The following MRPL41 variants were observed in gnomAD, a reference collection of about 807,000 sequenced individuals.
MRPL41 encodes the protein large ribosomal subunit protein mL41.
A neutral mutation model predicts 3.3 loss-of-function variants in MRPL41; 2 were observed. The observed-to-expected ratio is 0.60, with a 90% CI of 0.25 to 1.90. The LOEUF is 1.90. Among genes scored for constraint, MRPL41 ranks in the 40% most tolerant of loss-of-function variants. The pLI, the probability that MRPL41 is intolerant of heterozygous loss-of-function variation, is 0.16. For synonymous variants in MRPL41, 93 were observed against 85.7 expected, an observed-to-expected ratio of 1.08 and a Z score of -0.47; for missense variants, 161 against 192.2, an observed-to-expected ratio of 0.84 and a Z score of 0.96.
chr9:137,552,495 G>C lies in MRPL41; in HGVS notation c.414G>C (p.Ter138TyrextTer?). 1 of 1,545,044 alleles carries C rather than the reference G, an allele frequency of 6.5e-7. No homozygotes were observed. The highest frequency in any genetic ancestry group is 8.7e-7 in the Non-Finnish European group (1 of 1,143,494). Residue 138 changes from the stop codon to tyrosine, a stop_lost, in exon 2 of 2, where the codon TAG (stop) becomes TAC (tyrosine). Transcript: ENST00000371443. ...TCTACCCCAGGAACTTCCTGCGCTA[G>C]CTGGGCGGGGGAGGGGCGGCCTGCC... Reference protein sequence around the residue: ...FQLYPRNFLR* With the variant: ...FQLYPRNFLRY
Position 137,552,326 on chromosome 9 carries a change from A to G in MRPL41, c.245A>G (p.Glu82Gly), listed in dbSNP as rs773293531. The change falls in exon 2 of 2, where the codon GAG (glutamate) becomes GGG (glycine). Residue 82 changes from glutamate (E) to glycine (G), a missense_variant. Coordinates refer to ENST00000371443, the MANE Select transcript of MRPL41 (RefSeq NM_032477.3). ...PYVSYLAPES[E>G]ETPLTAAQLF... ...GTGAGCTACCTCGCCCCTGAGAGCG[A>G]GGAGACGCCCCTGACGGCCGCGCAG... 1.3e-5 allele frequency: 21 copies of G among 1,610,342 alleles called. No individual in the cohort carries two copies. The highest frequency in any genetic ancestry group is 1.7e-5 in the Non-Finnish European group (20 of 1,178,772).
chr9:137,552,047 G>T, intron 1 of MRPL41, 27 bp from the exon 2 acceptor site: 1 of 1,272,340 alleles, frequency 7.9e-7, no homozygotes, highest in Non-Finnish European at 9.9e-7. Context: ...TCCCGGGGCC[G>T]CGACTACCCG....
In MRPL41 at chr9:137,552,421, C is replaced by G. The variant is rs142341993; in HGVS notation, c.340C>G (p.Leu114Val). 45 of 1,607,326 alleles carry G rather than the reference C, an allele frequency of 2.8e-5. No homozygotes were observed. The African/African-American group carries it at 5.2e-4, about 19-fold the overall frequency. ...GGACGGTACCTTCGACCCTGACAAC[C>G]TGGAAAAGTACGGCTTCGAGCCCAC... ...FKDGTFDPDN[L>V]EKYGFEPTQE... The change falls in exon 2 of 2, where the codon CTG (leucine) becomes GTG (valine). Residue 114 changes from leucine to valine, a missense_variant. Physicochemically the swap from Leu to Val is conservative, Grantham distance 32. Transcript: ENST00000371443.
At position 137,551,996 on chromosome 9, in the gene MRPL41, G is replaced by C; in HGVS notation, c.-9+18G>C. 1 of 1,120,784 alleles carries C rather than the reference G, an allele frequency of 8.9e-7. No homozygotes were observed. The highest frequency in any genetic ancestry group is 1.1e-6 in the Non-Finnish European group (1 of 886,000). 69.4% of individuals were successfully genotyped at this position (1,120,784 alleles called of 1,614,324 possible). On this transcript the variant is annotated intron_variant, in intron 1 of 1. Coordinates refer to ENST00000371443, the MANE Select transcript of MRPL41 (RefSeq NM_032477.3). ...CGGTCCAGGTGAGTCTGTCGGATTG[G>C]GGCGGGCGCCGCGCGCGGCCAGGGG...
Position 137,552,073 on chromosome 9 carries a change from G to T in MRPL41, c.-8-1G>T. The T allele has an allele frequency of 7.5e-7, 1 of 1,340,074 alleles. No individual in the cohort carries two copies. The allele number at this position is 1,340,074 out of a possible 1,614,324, so 83.0% of individuals were successfully genotyped here. On this transcript the variant is annotated splice_acceptor_variant, in intron 1 of 1. Coordinates refer to ENST00000371443, the MANE Select transcript of MRPL41 (RefSeq NM_032477.3). LOFTEE classifies it low-confidence loss of function (5UTR_SPLICE). Reference sequence around the variant, plus strand: ...CGACTACCCGCTCTCTCCTCCCGCAGGGCGCGGCATGGGCGTCCTGGCCGC... The same window carrying T: ...CGACTACCCGCTCTCTCCTCCCGCATGGCGCGGCATGGGCGTCCTGGCCGC...
At position 137,552,411 on chromosome 9, in the gene MRPL41, C is replaced by A. The variant is rs1309090126; in HGVS notation, c.330C>A (p.Asp110Glu). 1.2e-6 allele frequency: 2 copies of A among 1,608,168 alleles called. No homozygotes were observed. The highest frequency in any genetic ancestry group is 2.7e-5 in the African/African-American group (2 of 74,632). ...IEKDFKDGTF[D>E]PDNLEKYGFE... ...AGGACTTCAAGGACGGTACCTTCGA[C>A]CCTGACAACCTGGAAAAGTACGGCT... is the stretch of plus-strand genomic sequence containing the variant. Residue 110 changes from aspartate to glutamate, a missense_variant, in exon 2 of 2, where the codon GAC becomes GAA. Transcript: ENST00000371443.
Position 137,551,893 on chromosome 9 carries a change from G to C in MRPL41, c.-94G>C, listed in dbSNP as rs1246923703. ...CAATCGGAGCCGCTCTTGCTGCGAC[G>C]CAGCGGTCGGAAGCGGAGCAAGGTC... On this transcript the variant is annotated 5_prime_UTR_variant, in exon 1 of 2. Transcript: ENST00000371443. 1.7e-5 allele frequency: 7 copies of C among 410,484 alleles called. No individual in the cohort carries two copies. The highest frequency in any genetic ancestry group is 1.2e-4 in the African/African-American group (6 of 48,266). The allele number at this position is 410,484 out of a possible 1,614,324, so 25.4% of individuals were successfully genotyped here.
chr9:137,552,279 C>A lies in MRPL41; in HGVS notation c.198C>A (p.Thr66=), dbSNP rs1344140047. The A allele has an allele frequency of 3.8e-6, 6 of 1,591,460 alleles. No homozygotes were observed. The highest frequency in any genetic ancestry group is 1.4e-5 in the African/African-American group (1 of 73,844). Residue 66 remains threonine (T), a synonymous_variant, in exon 2 of 2, where the codon ACC becomes ACA. Transcript: ENST00000371443. ...MVPEFVVPDL[T]GFKLKPYVSY... ...CGGAGTTCGTCGTCCCGGATCTGAC[C>A]GGCTTCAAGCTCAAGCCCTACGTGA...
In MRPL41 at chr9:137,551,881, T is replaced by C; in HGVS notation, c.-106T>C. On this transcript the variant is annotated 5_prime_UTR_variant, in exon 1 of 2. Coordinates refer to ENST00000371443, the MANE Select transcript of MRPL41 (RefSeq NM_032477.3). ...GGCGGCCGCGGCCAATCGGAGCCGC[T>C]CTTGCTGCGACGCAGCGGTCGGAAG... 2.5e-6 allele frequency: 1 copy of C among 399,132 alleles called. No homozygotes were observed. The highest frequency in any genetic ancestry group is 4.3e-6 in the Non-Finnish European group (1 of 233,678). The allele number at this position is 399,132 out of a possible 1,614,324, so 24.7% of individuals were successfully genotyped here. A position where few individuals can be genotyped will look rare whatever the true frequency, so the allele number is the denominator to read the frequency against.
At chr9:137,552,030 G>A in intron 1 of MRPL41, 44 bp from the exon 2 acceptor site, 1 of 1,258,748 alleles carries the variant, frequency 7.9e-7, no homozygotes. Flanking sequence ...GGCGGGGCTG[G>A]CCGGGTTCCC....
In MRPL41 at chr9:137,552,551, A is replaced by G; in HGVS notation, c.*56A>G. The G allele has an allele frequency of 6.9e-7, 1 of 1,457,850 alleles. No individual in the cohort carries two copies. Among genetic ancestry groups the G allele is most frequent in the Non-Finnish European group, 9.1e-7 (1 of 1,096,894 alleles). 90.3% of individuals were successfully genotyped at this position (1,457,850 alleles called of 1,614,324 possible). A position where few individuals can be genotyped will look rare whatever the true frequency, so the allele number is the denominator to read the frequency against. ...CTCATTTCTATTAAACGCCTTTGCC[A>G]GCTATACGGTGTTTGTTTTTTGGCC... On this transcript the variant is annotated 3_prime_UTR_variant, in exon 2 of 2. Coordinates refer to ENST00000371443, the MANE Select transcript of MRPL41 (RefSeq NM_032477.3).
Position 137,551,993 on chromosome 9 carries a change from T to G in MRPL41, c.-9+15T>G. The G allele has an allele frequency of 9.2e-6, 10 of 1,083,986 alleles. No individual in the cohort carries two copies. Among genetic ancestry groups the G allele is most frequent in the Non-Finnish European group, 9.4e-6 (8 of 853,154 alleles). The allele number at this position is 1,083,986 out of a possible 1,614,324, so 67.1% of individuals were successfully genotyped here. ...CTCCGGTCCAGGTGAGTCTGTCGGA[T>G]TGGGGCGGGCGCCGCGCGCGGCCAG... On this transcript the variant is annotated intron_variant, in intron 1 of 1. Coordinates refer to ENST00000371443, the MANE Select transcript of MRPL41 (RefSeq NM_032477.3).
In MRPL41 at chr9:137,552,506, G is replaced by A; in HGVS notation, c.*11G>A. On this transcript the variant is annotated 3_prime_UTR_variant, in exon 2 of 2. Coordinates refer to ENST00000371443, the MANE Select transcript of MRPL41 (RefSeq NM_032477.3). ...AACTTCCTGCGCTAGCTGGGCGGGG[G>A]AGGGGCGGCCTGCCCTCATCTCATT... The A allele has an allele frequency of 2.6e-6, 4 of 1,536,748 alleles. No individual in the cohort carries two copies. In the South Asian group the frequency reaches 3.7e-5, roughly 14 times the overall value.
Position 137,551,991 on chromosome 9 carries a change from G to A in MRPL41, c.-9+13G>A. 2 of 1,094,076 alleles carry A rather than the reference G, an allele frequency of 1.8e-6. No individual in the cohort carries two copies. Among genetic ancestry groups the A allele is most frequent in the Non-Finnish European group, 2.3e-6 (2 of 861,748 alleles). The allele number at this position is 1,094,076 out of a possible 1,614,324, so 67.8% of individuals were successfully genotyped here. ...GTCTCCGGTCCAGGTGAGTCTGTCG[G>A]ATTGGGGCGGGCGCCGCGCGCGGCC... On this transcript the variant is annotated intron_variant, in intron 1 of 1. Coordinates refer to ENST00000371443, the MANE Select transcript of MRPL41 (RefSeq NM_032477.3).
Position 137,551,950 on chromosome 9 carries a change from T to G in MRPL41, c.-37T>G. 1 of 703,548 alleles carries G rather than the reference T, an allele frequency of 1.4e-6. No individual in the cohort carries two copies. The allele number at this position is 703,548 out of a possible 1,614,324, so 43.6% of individuals were successfully genotyped here. ...GGGTTGGCGCCGGAGCCGGGGCCGC[T>G]TGGAGCTCGTGTGGGGTCTCCGGTC... On this transcript the variant is annotated 5_prime_UTR_variant, in exon 1 of 2. Transcript: ENST00000371443.
In MRPL41 at chr9:137,552,120, G is replaced by C. The variant is rs747681813; in HGVS notation, c.39G>C (p.Arg13=). Residue 13 remains arginine (R), a synonymous_variant, in exon 2 of 2, where the codon CGG becomes CGC. Coordinates refer to ENST00000371443, the MANE Select transcript of MRPL41 (RefSeq NM_032477.3). ...CCGCAGCGGCGCGCTGCCTGGTCCGGGGTGCGGACCGAATGAGCAAGTGGA... is the reference window on the plus strand; with the variant it reads ...CCGCAGCGGCGCGCTGCCTGGTCCGCGGTGCGGACCGAATGAGCAAGTGGA... The part of the protein sequence containing the change: ...VLAAAARCLV[R]GADRMSKWTS... The C allele has an allele frequency of 7.0e-6, 10 of 1,436,694 alleles. No homozygotes were observed. The highest frequency in any genetic ancestry group is 3.0e-5 in the African/African-American group (2 of 67,356). 89.0% of individuals were successfully genotyped at this position (1,436,694 alleles called of 1,614,324 possible). A position where few individuals can be genotyped will look rare whatever the true frequency, so the allele number is the denominator to read the frequency against.
rs963607794 is a variant in MRPL41, at chr9:137,552,521, C to T, written c.*26C>T. On this transcript the variant is annotated 3_prime_UTR_variant, in exon 2 of 2. Coordinates refer to ENST00000371443, the MANE Select transcript of MRPL41 (RefSeq NM_032477.3). ...CTGGGCGGGGGAGGGGCGGCCTGCC[C>T]TCATCTCATTTCTATTAAACGCCTT... is the stretch of plus-strand genomic sequence containing the variant. The T allele has an allele frequency of 6.6e-7, 1 of 1,511,964 alleles. No homozygotes were observed. The highest frequency in any genetic ancestry group is 8.8e-7 in the Non-Finnish European group (1 of 1,130,132). 93.7% of individuals were successfully genotyped at this position (1,511,964 alleles called of 1,614,324 possible).
In MRPL41 at chr9:137,552,555, A is replaced by G. The variant is rs1204215746; in HGVS notation, c.*60A>G. 7 of 1,450,006 alleles carry G rather than the reference A, an allele frequency of 4.8e-6. No homozygotes were observed. The African/African-American group carries it at 5.8e-5, about 12-fold the overall frequency. The allele number at this position is 1,450,006 out of a possible 1,614,324, so 89.8% of individuals were successfully genotyped here. On this transcript the variant is annotated 3_prime_UTR_variant, in exon 2 of 2. Coordinates refer to ENST00000371443, the MANE Select transcript of MRPL41 (RefSeq NM_032477.3). ...TTTCTATTAAACGCCTTTGCCAGCT[A>G]TACGGTGTTTGTTTTTTGGCCTCAG... is the stretch of plus-strand genomic sequence containing the variant.
Position 137,552,080 on chromosome 9 carries a change from GC to G in MRPL41, c.-1del. On this transcript the variant is annotated 5_prime_UTR_variant, in exon 2 of 2. Transcript: ENST00000371443. ...CCGCTCTCTCCTCCCGCAGGGCGCG[GC>G]ATGGGCGTCCTGGCCGCAGCGGCGC... The G allele has an allele frequency of 1.5e-6, 2 of 1,364,812 alleles. No individual in the cohort carries two copies. The highest frequency in any genetic ancestry group is 1.9e-6 in the Non-Finnish European group (2 of 1,056,756). The allele number at this position is 1,364,812 out of a possible 1,614,324, so 84.5% of individuals were successfully genotyped here. A position where few individuals can be genotyped will look rare whatever the true frequency, so the allele number is the denominator to read the frequency against.
Sources: gnomAD v4.1 joint callset for allele counts on GRCh38, gnomAD v4.1.1 for gene constraint, MANE v1.5 for transcripts, NCBI Gene and HGNC (gene_info 2026-07-23, HGNC 2026-07-21) for gene names.